Variants in LOC400499 observed in about 807,000 individuals in gnomAD.
At chr16:11,420,468 T>C in the LOC400499 span, among the ~76,000 whole-genome samples, 1 of 139,544 alleles carries the variant, frequency 7.2e-6, no homozygotes, top group Non-Finnish European at 1.6e-5. Flanking sequence ...GGGGGAGGGA[T>C]AGCATTAGGA....
At chr16:11,393,888 G>C in the LOC400499 span, among the ~76,000 whole-genome samples, 42 of 152,274 alleles carry the variant, frequency 2.8e-4, no homozygotes, top group Non-Finnish European at 5.4e-4. Context: ...GACTAGCCTG[G>C]ACCACATGGC....
chr16:11,398,255 C>A, the LOC400499 span: 2 of 1,129,296 alleles, frequency 1.8e-6, no homozygotes, highest in Non-Finnish European at 2.2e-6. Flanking sequence ...GCCTCGCTCA[C>A]ACCCCTGCAT....
chr16:11,517,941 AC>A, the LOC400499 span, among the ~76,000 whole-genome samples: 1 of 152,102 alleles, frequency 6.6e-6, no homozygotes, highest in African/African-American at 2.4e-5. Context: ...TACCACTTCT[AC>A]CTTCCAGGGG....
chr16:11,482,971 G>C, the LOC400499 span, among the ~76,000 whole-genome samples: 1 of 150,518 alleles, frequency 6.6e-6, no homozygotes, highest in Non-Finnish European at 1.5e-5. Flanking sequence ...TCAGTAATAA[G>C]AAAACAAGCC....
the LOC400499 span, chr16:11,417,835 G>A: frequency 2.5e-6 from 1 of 398,734 alleles, no homozygotes; most frequent in Non-Finnish European, 4.4e-6. Context: ...AATGTCCACA[G>A]AGACCTGGAA....
chr16:11,464,336 C>T, the LOC400499 span, among the ~76,000 whole-genome samples: 2 of 152,264 alleles, frequency 1.3e-5, no homozygotes, highest in African/African-American at 4.8e-5. Flanking sequence ...GTATCAGAGG[C>T]TGTGCAGTGC....
the LOC400499 span, among the ~76,000 whole-genome samples, chr16:11,433,879 C>A: frequency 6.6e-6 from 1 of 152,230 alleles, no homozygotes; most frequent in African/African-American, 2.4e-5. Context: ...TCTCTTCCAT[C>A]TGGCTGTTCT....
chr16:11,418,840 C>T, the LOC400499 span, among the ~76,000 whole-genome samples: 2 of 152,154 alleles, frequency 1.3e-5, no homozygotes, highest in African/African-American at 4.8e-5. Flanking sequence ...GATGTAATTC[C>T]CTCCCATGCC....
chr16:11,380,434 G>A, the LOC400499 span, among the ~76,000 whole-genome samples: 4 of 152,122 alleles, frequency 2.6e-5, no homozygotes, highest in South Asian at 4.1e-4. Context: ...ACAAAAATTC[G>A]CCGGGGGTGG....
chr16:11,411,553 G>C, the LOC400499 span, among the ~76,000 whole-genome samples: 1 of 152,208 alleles, frequency 6.6e-6, no homozygotes, highest in Non-Finnish European at 1.5e-5. Flanking sequence ...TTGAGTCCTG[G>C]CTTGGCCTCT....
At chr16:11,525,978 G>C in the LOC400499 span, among the ~76,000 whole-genome samples, 2 of 152,214 alleles carry the variant, frequency 1.3e-5, 1 homozygote, top group South Asian at 4.1e-4. Flanking sequence ...GTCATCTCTA[G>C]CCAGCAAATG....
At chr16:11,375,799 G>C in the LOC400499 span, among the ~76,000 whole-genome samples, 2 of 139,658 alleles carry the variant, frequency 1.4e-5, no homozygotes, top group Admixed American at 1.5e-4. Context: ...GTGCAATCTC[G>C]GCTCACCGCA....
At chr16:11,471,441 A>C in the LOC400499 span, 5 of 386,142 alleles carry the variant, frequency 1.3e-5, no homozygotes, top group Non-Finnish European at 2.3e-5. Flanking sequence ...GTGACCCCTG[A>C]ACTGAGACCT....
the LOC400499 span, among the ~76,000 whole-genome samples, chr16:11,524,439 G>C: frequency 2.1e-4 from 30 of 143,422 alleles, no homozygotes; most frequent in South Asian, 6.1e-3. Flanking sequence ...TGGAGCCTTA[G>C]GATTTGAACC....
chr16:11,393,422 G>C, the LOC400499 span: 8 of 1,232,304 alleles, frequency 6.5e-6, no homozygotes, highest in Non-Finnish European at 8.1e-6. Context: ...CCTGCAGACA[G>C]CTTGGGGCCC....
chr16:11,453,529 C>T, the LOC400499 span, among the ~76,000 whole-genome samples: 1 of 151,960 alleles, frequency 6.6e-6, no homozygotes, highest in African/African-American at 2.4e-5. Flanking sequence ...GAACAGGACG[C>T]TGTAAGAAAG....
At chr16:11,502,855 C>G in the LOC400499 span, among the ~76,000 whole-genome samples, 6 of 150,432 alleles carry the variant, frequency 4.0e-5, no homozygotes, top group Non-Finnish European at 5.9e-5. Flanking sequence ...ACCTTGTGAT[C>G]TGCCCGCCTC....
the LOC400499 span, among the ~76,000 whole-genome samples, chr16:11,487,945 C>T: frequency 2.0e-3 from 306 of 152,138 alleles, 1 homozygote; most frequent in African/African-American, 7.1e-3. Flanking sequence ...GAAACCCCAT[C>T]TCCACTAATA....
the LOC400499 span, among the ~76,000 whole-genome samples, chr16:11,393,157 C>A: frequency 4.2e-5 from 5 of 117,890 alleles, no homozygotes; most frequent in South Asian, 2.2e-4. Flanking sequence ...CCTGGCCACC[C>A]CCCCCCCTTT....
Sources: allele counts gnomAD v4.1 joint callset (sites outside exome capture counted in the v4.1 genomes callset), GRCh38; gene constraint gnomAD v4.1.1; transcripts MANE v1.5.